INAVA: variants seen among roughly 807,000 people sequenced by gnomAD.
INAVA encodes innate immunity activator.
INAVA carries 32 observed loss-of-function variants against 55.3 expected under a neutral mutation model. The observed-to-expected ratio is 0.58, with a 90% confidence interval of 0.44 to 0.78. The LOEUF (loss-of-function observed/expected upper bound fraction) is 0.78. Ranked by LOEUF, INAVA falls within the 30% of genes least tolerant of loss-of-function variation. INAVA has a pLI of 0.00. For synonymous variants in INAVA, 294 were observed against 329.4 expected (o/e 0.89, Z 1.16); for missense variants, 756 against 786.4 (o/e 0.96, Z 0.46).
rs1316837983 is a variant in INAVA at position 200,901,011 on chromosome 1, G to A, written c.372G>A (p.Leu124=). The A allele has an allele frequency of 1.3e-6, 2 of 1,551,154 alleles. No homozygotes were observed. The highest frequency in any genetic ancestry group is 1.7e-6 in the Non-Finnish European group (2 of 1,147,278). Residue 124 remains leucine, a synonymous_variant, in exon 5 of 10, where the codon CTG becomes CTA. Coordinates refer to ENST00000413687, the MANE Select transcript of INAVA (RefSeq NM_001142569.3). ...QITEAARRLC[L]EENLSRQARR... ...CAGAGGCAGCCCGTCGGCTGTGCCT[G>A]GAGGAGAACCTCAGCAGGCAGGCTC...
upstream of INAVA, among the ~76,000 whole-genome samples, chr1:200,892,091 CT>C (rs1464724394): frequency 3.3e-5 from 5 of 152,288 alleles, no homozygotes; most frequent in African/African-American, 1.2e-4. Context: ...TGGAGTTCCC[CT>C]GTCCCAGCCC....
At chr1:200,891,634 C>A, upstream of INAVA, 1 of 1,523,120 alleles carries the variant, frequency 6.6e-7, no homozygotes, top group Non-Finnish European at 8.8e-7. Context: ...ACAAACAGGT[C>A]CTGAAGCTGC....
chr1:200,901,517 G>C (rs969531967), intron 5 of INAVA, among the ~76,000 whole-genome samples: 3 of 152,232 alleles, frequency 2.0e-5, no homozygotes, highest in Non-Finnish European at 4.4e-5. Flanking sequence ...AGGCCCACAG[G>C]GTGATGGCAT....
At chr1:200,896,265 A>G (rs1668348974) in intron 1 of INAVA, among the ~76,000 whole-genome samples, 1 of 149,004 alleles carries the variant, frequency 6.7e-6, no homozygotes, top group African/African-American at 2.5e-5. Context: ...CAAAGCAGAC[A>G]CACTCAGCAT....
intron 5 of INAVA, among the ~76,000 whole-genome samples, chr1:200,907,487 C>T (rs1389292482): frequency 2.0e-5 from 3 of 151,944 alleles, no homozygotes; most frequent in African/African-American, 7.2e-5. Context: ...AAGACCTCTT[C>T]TCTACAAAAA....
rs763296082 is a variant in INAVA, at chr1:200,911,528, G to A, written c.1035G>A (p.Thr345=). The A allele has an allele frequency of 1.2e-6, 2 of 1,613,710 alleles. No homozygotes were observed. The highest frequency in any genetic ancestry group is 2.2e-5 in the East Asian group (1 of 44,882). Residue 345 remains threonine (T), a synonymous_variant, in exon 9 of 10, where the codon ACG becomes ACA. Transcript: ENST00000413687. ...CCCGCCGCCGCCCCACTCACTACACGGTGACAGTGCCAGATTCCTGCTTTC... is the reference window on the plus strand; with the variant it reads ...CCCGCCGCCGCCCCACTCACTACACAGTGACAGTGCCAGATTCCTGCTTTC... The part of the protein sequence containing the change: ...AFPRRRPTHY[T]VTVPDSCFPA...
chr1:200,902,039 T>C (rs1294208689), intron 5 of INAVA, among the ~76,000 whole-genome samples: 1 of 152,146 alleles, frequency 6.6e-6, no homozygotes, highest in Non-Finnish European at 1.5e-5. Context: ...GACTCAGCTC[T>C]GCCCCCCGTC....
chr1:200,897,018 C>T (rs748759459), intron 1 of INAVA, among the ~76,000 whole-genome samples: 8 of 152,362 alleles, frequency 5.3e-5, no homozygotes, highest in South Asian at 2.1e-4. Flanking sequence ...CCCACCCCTG[C>T]TGCAGCCAGC....
chr1:200,908,386 G>C (rs764246574), intron 6 of INAVA: 5 of 233,226 alleles, frequency 2.1e-5, no homozygotes, highest in Non-Finnish European at 4.1e-5. Context: ...AAATAAATAG[G>C]CCATATGGGC....
In INAVA at chr1:200,911,570, G is replaced by C; in HGVS notation, c.1077G>C (p.Pro359=). The C allele has an allele frequency of 6.2e-7, 1 of 1,613,498 alleles. No individual in the cohort carries two copies. The part of the protein sequence containing the change: ...PDSCFPATKP[P]LPHAACHSCS... The stretch of plus-strand genomic sequence containing the variant: ...CCTGCTTTCCCGCGACCAAGCCCCC[G>C]CTGCCCCACGCCGCCTGCCACTCCT... Residue 359 remains proline (P), a synonymous_variant, in exon 9 of 10, where the codon CCG becomes CCC. Coordinates refer to ENST00000413687, the MANE Select transcript of INAVA (RefSeq NM_001142569.3).
At chr1:200,908,234 C>A in intron 6 of INAVA, 1 of 241,462 alleles carries the variant, frequency 4.1e-6, no homozygotes, top group South Asian at 9.6e-5. Context: ...ACAATCATTG[C>A]TGTTTTTTAA....
intron 1 of INAVA, 140 bp downstream of exon 1, chr1:200,895,227 G>A: frequency 1.5e-6 from 1 of 663,124 alleles, no homozygotes; most frequent in Non-Finnish European, 1.9e-6. Context: ...GATGACAGAG[G>A]GGTGCTGGTG....
chr1:200,913,327 C>G lies in INAVA; in HGVS notation c.1645-210C>G, dbSNP rs1231404398. Among the ~76,000 whole-genome samples the G allele has an allele frequency of 2.0e-5, 3 of 152,170 alleles. No homozygotes were observed. The East Asian group carries it at 5.8e-4, about 29-fold the overall frequency. On this transcript the variant is annotated intron_variant, in intron 9 of 9. Transcript: ENST00000413687. ...AGGAGGTCAGGGCGCCTGTCACACC[C>G]CAAAAGAACATGGAGGAAAATGTGT... is the stretch of plus-strand genomic sequence containing the variant.
intron 2 of INAVA, 76 bp from the exon 3 acceptor site, chr1:200,899,397 C>A: frequency 6.3e-7 from 1 of 1,593,852 alleles, no homozygotes; most frequent in South Asian, 1.1e-5. Flanking sequence ...GTGCATTCCC[C>A]TAGGGGTGGT....
At chr1:200,911,401 A>G in intron 8 of INAVA, 52 bp from the exon 9 acceptor site, 1 of 1,521,840 alleles carries the variant, frequency 6.6e-7, no homozygotes, top group Non-Finnish European at 9.0e-7. Context: ...CCCCAACCCC[A>G]GTGTGGAGTT....
In INAVA at chr1:200,914,067, C is replaced by T. The variant is rs1191552794; in HGVS notation, c.*438C>T. ...TGCTGGAGGCTGGACATGGTACATA[C>T]TCATGCACATGACTCTCCCCCATTT... On this transcript the variant is annotated 3_prime_UTR_variant, in exon 10 of 10. Coordinates refer to ENST00000413687, the MANE Select transcript of INAVA (RefSeq NM_001142569.3). 2.4e-5 allele frequency: 4 copies of T among 166,946 alleles called. No homozygotes were observed. The highest frequency in any genetic ancestry group is 5.2e-5 in the Non-Finnish European group (4 of 76,434). The allele number at this position is 166,946 out of a possible 1,614,324, so 10.3% of individuals were successfully genotyped here. A position where few individuals can be genotyped will look rare whatever the true frequency, so the allele number is the denominator to read the frequency against.
chr1:200,913,387 G>A, intron 9 of INAVA, 150 bp from the exon 10 acceptor site: 1 of 634,994 alleles, frequency 1.6e-6, no homozygotes, highest in Non-Finnish European at 2.8e-6. Context: ...AGCATCCTGG[G>A]AGGAAGGGGC....
Position 200,901,127 on chromosome 1 carries a change from C to A in INAVA, c.488C>A (p.Pro163Gln). The change falls in exon 5 of 10, where the codon CCA becomes CAA. Residue 163 changes from proline (P) to glutamine (Q), a missense_variant. By Grantham distance (76) the Pro-to-Gln change is moderately conservative. This residue lies in a region of INAVA where 639 missense variants were observed against 624.3 expected (regional missense o/e 1.02). Transcript: ENST00000413687. ...CLVERRRNSE[P>Q]PPAAALPLGR... ...GTCGAGCGGCGGCGCAATAGCGAGC[C>A]ACCTCCGGCTGCTGCTCTCCCCCTG... is the stretch of plus-strand genomic sequence containing the variant. 6.5e-7 allele frequency: 1 copy of A among 1,527,138 alleles called. No homozygotes were observed. The highest frequency in any genetic ancestry group is 8.8e-7 in the Non-Finnish European group (1 of 1,140,810). The allele number at this position is 1,527,138 out of a possible 1,614,324, so 94.6% of individuals were successfully genotyped here.
rs12079636 is a variant in INAVA, at chr1:200,910,126, G to T, written c.959+729G>T. On this transcript the variant is annotated intron_variant, in intron 8 of 9. Coordinates refer to ENST00000413687, the MANE Select transcript of INAVA (RefSeq NM_001142569.3). ...TTAAACAGCAGAATCACTAATCAAA[G>T]CAAAAACACACACAGTACATAAATA... Among the ~76,000 whole-genome samples, 177 of 152,164 alleles carry T rather than the reference G, an allele frequency of 1.2e-3. 1 individual carries two copies. Among genetic ancestry groups the T allele is most frequent in the African/African-American group, 4.2e-3 (174 of 41,498 alleles).
Sources: allele counts gnomAD v4.1 joint callset (sites outside exome capture counted in the v4.1 genomes callset), GRCh38; gene constraint gnomAD v4.1.1; regional missense constraint gnomAD v4.1.1; transcripts MANE v1.5; gene names NCBI Gene and HGNC (gene_info 2026-07-23, HGNC 2026-07-21).